MEIS1: variants seen among roughly 807,000 people sequenced by gnomAD.
The protein encoded by MEIS1 is Meis homeobox 1.
MEIS1 carries 5 observed loss-of-function variants against 50.8 expected under a neutral mutation model. The observed-to-expected ratio is 0.10, with a 90% CI of 0.05 to 0.21. The LOEUF is 0.21. Ranked by LOEUF, MEIS1 falls within the 10% of genes least tolerant of loss-of-function variation. MEIS1 has a pLI of 1.00. For synonymous variants in MEIS1, 176 were observed against 179.3 expected (o/e 0.98, Z 0.15); for missense variants, 318 against 517.3 (o/e 0.61, Z 3.74).
intron 9 of MEIS1, among the ~76,000 whole-genome samples, chr2:66,563,731 G>A (rs1675273053): frequency 6.6e-6 from 1 of 152,134 alleles, no homozygotes; most frequent in African/African-American, 2.4e-5. Flanking sequence ...ACTTATAGTG[G>A]GAGGAGCAAG....
intron 6 of MEIS1, among the ~76,000 whole-genome samples, chr2:66,447,686 A>G (rs1216070074): frequency 1.3e-5 from 2 of 152,166 alleles, no homozygotes; most frequent in Non-Finnish European, 2.9e-5. Flanking sequence ...TAATAGGGAC[A>G]CTTTTAAAAC....
At chr2:66,463,867 T>C (rs1672576746) in intron 6 of MEIS1, among the ~76,000 whole-genome samples, 1 of 152,210 alleles carries the variant, frequency 6.6e-6, no homozygotes, top group East Asian at 1.9e-4. Flanking sequence ...TCCTTAGTAA[T>C]AAAGCATGCA....
chr2:66,512,104 A>G (rs549597427), intron 7 of MEIS1, 45 bp from the exon 8 acceptor site: 4 of 1,502,352 alleles, frequency 2.7e-6, no homozygotes, highest in South Asian at 2.8e-5. Context: ...TGAATAAAGC[A>G]TGTCAAGGTA....
At chr2:66,532,727 A>G (rs1674424924) in intron 8 of MEIS1, among the ~76,000 whole-genome samples, 3 of 152,218 alleles carry the variant, frequency 2.0e-5, no homozygotes, top group Admixed American at 1.3e-4. Flanking sequence ...CTCATTTGGC[A>G]TCATCAAAAT....
rs184828570 is a variant in MEIS1, at chr2:66,520,335, G to A, written c.888+8041G>A. Among the ~76,000 whole-genome samples the A allele has an allele frequency of 1.8e-3, 268 of 149,376 alleles. 1 individual carries two copies. Among genetic ancestry groups the A allele is most frequent in the African/African-American group, 6.3e-3 (258 of 40,714 alleles). On this transcript the variant is annotated intron_variant, in intron 8 of 12. Coordinates refer to ENST00000272369, the MANE Select transcript of MEIS1 (RefSeq NM_002398.3). ...TAAAAATAAAAAAAAAAAAAAATTAGCCGGGCTTGGTGGTAGGCACCTATA... is the reference window on the plus strand; with the variant it reads ...TAAAAATAAAAAAAAAAAAAAATTAACCGGGCTTGGTGGTAGGCACCTATA...
intron 7 of MEIS1, among the ~76,000 whole-genome samples, chr2:66,470,021 G>A (rs561087807): frequency 1.3e-5 from 2 of 152,026 alleles, no homozygotes; most frequent in African/African-American, 4.8e-5. Context: ...GGTTACAAAC[G>A]GTAATTTTTA....
chr2:66,465,231 A>G (rs942401275), intron 7 of MEIS1, among the ~76,000 whole-genome samples: 17 of 152,222 alleles, frequency 1.1e-4, no homozygotes, highest in African/African-American at 3.9e-4. Flanking sequence ...TTTGAGGCAC[A>G]TATATGCTGT....
intron 4 of MEIS1, chr2:66,440,997 G>T (rs973472283): frequency 5.9e-6 from 2 of 340,098 alleles, no homozygotes; most frequent in Non-Finnish European, 1.1e-5. Context: ...CAACCAGTTT[G>T]CCTGAAAGGT....
At chr2:66,560,125 G>T (rs1675177005) in intron 9 of MEIS1, among the ~76,000 whole-genome samples, 3 of 124,370 alleles carry the variant, frequency 2.4e-5, no homozygotes, top group African/African-American at 3.2e-5. Context: ...TTTTTTTTTA[G>T]GATGAAGTCA....
chr2:66,534,573 T>A (rs1017473795), intron 8 of MEIS1, among the ~76,000 whole-genome samples: 1 of 152,106 alleles, frequency 6.6e-6, no homozygotes, highest in Non-Finnish European at 1.5e-5. Context: ...TCCTTTAGAT[T>A]TGCCATTTGT....
At chr2:66,506,928 T>C (rs1290690966) in intron 7 of MEIS1, among the ~76,000 whole-genome samples, 1 of 152,162 alleles carries the variant, frequency 6.6e-6, no homozygotes. Context: ...CCTTTCCATA[T>C]TGATGGGGTG....
intron 8 of MEIS1, among the ~76,000 whole-genome samples, chr2:66,530,587 G>C (rs1013785047): frequency 2.6e-5 from 4 of 152,118 alleles, no homozygotes; most frequent in Non-Finnish European, 5.9e-5. Context: ...GTGGTGGCAG[G>C]CACCTGTAGT....
intron 6 of MEIS1, chr2:66,443,733 G>C (rs999989931): frequency 6.6e-6 from 1 of 152,396 alleles, no homozygotes; most frequent in Non-Finnish European, 1.5e-5. Flanking sequence ...CCTCCAGCTG[G>C]TATGTGCTCT....
At chr2:66,537,994 G>A (rs1003914220) in intron 8 of MEIS1, among the ~76,000 whole-genome samples, 8 of 152,166 alleles carry the variant, frequency 5.3e-5, no homozygotes, top group African/African-American at 1.9e-4. Flanking sequence ...AATTCTTGGG[G>A]AAAAGCCTCC....
chr2:66,545,497 AGTT>A (rs1203093015), intron 8 of MEIS1, among the ~76,000 whole-genome samples: 1 of 152,182 alleles, frequency 6.6e-6, no homozygotes, highest in Non-Finnish European at 1.5e-5. Context: ...GGATAAGAAA[AGTT>A]GTCTGTTGTT....
At chr2:66,445,988 C>T (rs893206251) in intron 6 of MEIS1, among the ~76,000 whole-genome samples, 15 of 152,178 alleles carry the variant, frequency 9.9e-5, no homozygotes, top group Admixed American at 3.3e-4. Flanking sequence ...TGGGCGCCCT[C>T]TCCTGACCGC....
At chr2:66,458,121 G>T (rs1672436954) in intron 6 of MEIS1, among the ~76,000 whole-genome samples, 1 of 151,962 alleles carries the variant, frequency 6.6e-6, no homozygotes, top group South Asian at 2.1e-4. Flanking sequence ...CCACCTTTTT[G>T]AATGGGACCA....
intron 7 of MEIS1, among the ~76,000 whole-genome samples, chr2:66,496,957 A>G (rs557805102): frequency 3.4e-4 from 52 of 152,118 alleles, no homozygotes; most frequent in Non-Finnish European, 3.4e-4. Flanking sequence ...GGTGGTTTTT[A>G]TATTTAACTT....
At chr2:66,462,350 AG>A in intron 6 of MEIS1, among the ~76,000 whole-genome samples, 1 of 152,362 alleles carries the variant, frequency 6.6e-6, no homozygotes, top group Middle Eastern at 3.4e-3. Context: ...TGTCACTCGC[AG>A]GATCTCATGC....
Sources: allele counts gnomAD v4.1 joint callset (sites outside exome capture counted in the v4.1 genomes callset), GRCh38; gene constraint gnomAD v4.1.1; transcripts MANE v1.5; gene names NCBI Gene and HGNC (gene_info 2026-07-23, HGNC 2026-07-21).